The following TTC23L variants were observed in gnomAD, a reference collection of about 807,000 sequenced individuals.
The protein encoded by TTC23L is tetratricopeptide repeat protein 23-like.
In TTC23L, 42 loss-of-function variants were observed where a neutral mutation model predicts 48.1. The observed-to-expected ratio is 0.87, with a 90% CI of 0.68 to 1.13. The LOEUF is 1.13. Ranked by LOEUF, TTC23L falls within the 50% of genes most tolerant of loss-of-function variation. The pLI, the probability that TTC23L is intolerant of heterozygous loss-of-function variation, is 0.00. For missense variants in TTC23L, 391 were observed against 421.0 expected (o/e 0.93, Z 0.62); for synonymous variants, 159 against 157.2 (o/e 1.01, Z -0.09).
chr5:34,857,549 C>G (rs1358627893), intron 4 of TTC23L, among the ~76,000 whole-genome samples: 2 of 152,064 alleles, frequency 1.3e-5, no homozygotes, highest in Admixed American at 1.3e-4. Context: ...TTTGAGAATG[C>G]AAGCCTTTTA....
At chr5:34,905,117 G>A in the TTC23L span, 3 of 152,230 alleles carry the variant, frequency 2.0e-5, no homozygotes, top group Admixed American at 6.5e-5. Context: ...CCACTCCTGA[G>A]AGGGAAATTC....
chr5:34,841,912 C>T (rs1758710846), intron 2 of TTC23L, among the ~76,000 whole-genome samples: 1 of 152,116 alleles, frequency 6.6e-6, no homozygotes, highest in Non-Finnish European at 1.5e-5. Flanking sequence ...GAGGGCTGTC[C>T]TATATGTTGT....
downstream of TTC23L, among the ~76,000 whole-genome samples, chr5:34,904,201 C>T (rs940080188): frequency 2.0e-5 from 3 of 151,524 alleles, no homozygotes; most frequent in Non-Finnish European, 4.4e-5. Context: ...AACTCCTGGG[C>T]TAAAATGGTC....
In TTC23L at chr5:34,863,158, T is replaced by C. The variant is rs1760804908; in HGVS notation, c.536+104T>C. The C allele has an allele frequency of 6.9e-7, 1 of 1,447,960 alleles. No individual in the cohort carries two copies. Among genetic ancestry groups the C allele is most frequent in the South Asian group, 1.3e-5 (1 of 77,680 alleles). 89.7% of individuals were successfully genotyped at this position (1,447,960 alleles called of 1,614,324 possible). On this transcript the variant is annotated intron_variant, in intron 5 of 10. Coordinates refer to ENST00000505624, the Ensembl canonical transcript of TTC23L. This position sits in a 1 kb window ranked among gnomAD's most constrained non-coding sequence, Gnocchi z 4.1. ...GGTGGGAGATGGAACCAAGGCCTTG[T>C]AGATCTGTTCCAACATCAAGGCCCT...
intron 10 of TTC23L, 32 bp downstream of exon 10, chr5:34,896,907 C>T: frequency 1.4e-6 from 1 of 690,452 alleles, no homozygotes. Flanking sequence ...TACAGGGCAG[C>T]ATGTCCTGAA....
At chr5:34,884,008 A>G (rs1212177346) in intron 9 of TTC23L, among the ~76,000 whole-genome samples, 1 of 152,212 alleles carries the variant, frequency 6.6e-6, no homozygotes, top group Non-Finnish European at 1.5e-5. Flanking sequence ...AATTCTCAAC[A>G]AAACACTAGC....
the TTC23L span, chr5:34,913,991 G>A: frequency 1.3e-5 from 6 of 456,722 alleles, no homozygotes; most frequent in Non-Finnish European, 2.6e-5. Flanking sequence ...CTCCTGAGCA[G>A]CTGGAAATAC....
intron 4 of TTC23L, among the ~76,000 whole-genome samples, 184 bp downstream of exon 4, chr5:34,850,492 A>G (rs1400089172): frequency 6.6e-6 from 1 of 152,158 alleles, no homozygotes; most frequent in Non-Finnish European, 1.5e-5. Flanking sequence ...TAAAGATAAT[A>G]ATGATGATGA....
intron 4 of TTC23L, among the ~76,000 whole-genome samples, chr5:34,859,840 C>CTTTTTTTTTTTTTTTTTTTTT (rs10590697): frequency 8.4e-5 from 8 of 95,352 alleles, no homozygotes; most frequent in Non-Finnish European, 1.5e-4. Flanking sequence ...TTTTCTTCTT[C>CTTTTTTTTTTTTTTTTTTTTT]TTTTTTTTTT....
chr5:34,854,417 C>T (rs1313243715), intron 4 of TTC23L, among the ~76,000 whole-genome samples: 2 of 152,156 alleles, frequency 1.3e-5, no homozygotes, highest in East Asian at 3.8e-4. Context: ...GCTTTCTTCA[C>T]TTAAGCTTTT....
chr5:34,917,415 C>T, the TTC23L span, among the ~76,000 whole-genome samples: 1 of 151,782 alleles, frequency 6.6e-6, no homozygotes, highest in South Asian at 2.1e-4. Context: ...GGGTGGATCA[C>T]TAGGTCAGGA....
the TTC23L span, among the ~76,000 whole-genome samples, chr5:34,913,011 A>AC: frequency 6.6e-6 from 1 of 152,220 alleles, no homozygotes; most frequent in Non-Finnish European, 1.5e-5. Context: ...CAAAAACACC[A>AC]CAAAATCATT....
chr5:34,897,856 T>C (rs144475392), intron 10 of TTC23L, among the ~76,000 whole-genome samples: 2 of 152,330 alleles, frequency 1.3e-5, no homozygotes, highest in East Asian at 1.9e-4. Context: ...GGACATAAAG[T>C]CTTTATGAAC....
chr5:34,847,206 G>A (rs1397191413), intron 3 of TTC23L, among the ~76,000 whole-genome samples: 14 of 152,118 alleles, frequency 9.2e-5, no homozygotes, highest in Admixed American at 8.5e-4. Flanking sequence ...CTCTGTAAAT[G>A]ACCCAAGGAC....
the TTC23L span, chr5:34,907,432 A>G: frequency 5.9e-5 from 9 of 152,148 alleles, no homozygotes; most frequent in African/African-American, 1.9e-4. Flanking sequence ...ATGGAGGGAC[A>G]CTCAGCTGTT....
intron 3 of TTC23L, among the ~76,000 whole-genome samples, chr5:34,846,917 G>A (rs1759250386): frequency 6.6e-6 from 1 of 152,032 alleles, no homozygotes; most frequent in African/African-American, 2.4e-5. Context: ...TTCCAAATAT[G>A]CATTTCTAAG....
chr5:34,855,586 T>C (rs1038192889), intron 4 of TTC23L, among the ~76,000 whole-genome samples: 6 of 152,188 alleles, frequency 3.9e-5, no homozygotes, highest in African/African-American at 1.4e-4. Context: ...ATGGACAAGA[T>C]TATTCTTTGC....
At chr5:34,921,215 A>G in the TTC23L span, 1 of 152,222 alleles carries the variant, frequency 6.6e-6, no homozygotes, top group Non-Finnish European at 1.5e-5. Flanking sequence ...TATGAATACT[A>G]CAGTAATACA....
rs1408964335 is a variant in TTC23L, at chr5:34,863,496, G to T, written c.536+442G>T. Among the ~76,000 whole-genome samples, 1 of 152,118 alleles carries T rather than the reference G, an allele frequency of 6.6e-6. No individual in the cohort carries two copies. The highest frequency in any genetic ancestry group is 2.4e-5 in the African/African-American group (1 of 41,412). On this transcript the variant is annotated intron_variant, in intron 5 of 10. Transcript: ENST00000505624. This position sits in a 1 kb window ranked among gnomAD's most constrained non-coding sequence, Gnocchi z 4.1. Reference sequence around the variant, plus strand: ...TTAAGAATTTCTGCTGTCTGTTCCTGCCCCAAAGATTTTGACTGAGAGGCT... The same window carrying T: ...TTAAGAATTTCTGCTGTCTGTTCCTTCCCCAAAGATTTTGACTGAGAGGCT...
Sources: gnomAD v4.1 joint callset for allele counts (sites outside exome capture counted in the v4.1 genomes callset) on GRCh38, gnomAD v4.1.1 for gene constraint, Gnocchi (gnomAD v3.1) non-coding constraint, MANE v1.5 for transcripts, NCBI Gene and HGNC (gene_info 2026-07-23, HGNC 2026-07-21) for gene names.